The following RGS8 variants were observed in gnomAD, a reference collection of about 807,000 sequenced individuals.
The protein encoded by RGS8 is regulator of G protein signaling 8.
Under a neutral mutation model 21.7 loss-of-function variants are expected in RGS8, and 8 were observed. The ratio of observed to expected loss-of-function variants is 0.37; its 90% CI spans 0.22 to 0.66. RGS8 has a LOEUF of 0.66. RGS8 is among the 30% of genes least tolerant of loss of function. The probability of loss-of-function intolerance (pLI) is 0.59; values close to 1 mark genes in which losing one functional copy is unlikely to be tolerated. For missense variants in RGS8, 157 were observed against 217.9 expected (o/e 0.72, Z 1.76); for synonymous variants, 80 against 83.6 (o/e 0.96, Z 0.24).
At chr1:182,666,447 G>A (rs1663864150) in intron 4 of RGS8, among the ~76,000 whole-genome samples, 1 of 152,088 alleles carries the variant, frequency 6.6e-6, no homozygotes, top group Non-Finnish European at 1.5e-5. Flanking sequence ...GTTGTGTGAG[G>A]GTCACACAAG....
the RGS8 span, among the ~76,000 whole-genome samples, chr1:182,739,077 G>A: frequency 3.9e-5 from 6 of 152,276 alleles, no homozygotes; most frequent in African/African-American, 1.4e-4. Context: ...CCTCTCCCAG[G>A]TATCTTCTAG....
chr1:182,721,995 G>C, the RGS8 span, among the ~76,000 whole-genome samples: 12 of 152,156 alleles, frequency 7.9e-5, no homozygotes, highest in Admixed American at 3.9e-4. Context: ...TTCTATGATG[G>C]AGATCGGCAA....
the RGS8 span, chr1:182,712,974 C>T: frequency 3.9e-5 from 6 of 152,048 alleles, no homozygotes; most frequent in African/African-American, 7.2e-5. Context: ...GGCATCAGAC[C>T]GGTCAAATTA....
intron 5 of RGS8, among the ~76,000 whole-genome samples, chr1:182,652,534 A>G (rs772528182): frequency 6.6e-6 from 1 of 152,234 alleles, no homozygotes; most frequent in Non-Finnish European, 1.5e-5. Flanking sequence ...GTAGCATTGA[A>G]AACTTCATAT....
At chr1:182,742,959 C>T in the RGS8 span, among the ~76,000 whole-genome samples, 1 of 152,120 alleles carries the variant, frequency 6.6e-6, no homozygotes, top group African/African-American at 2.4e-5. Flanking sequence ...AAAACTTATT[C>T]CTCAATTAAA....
intron 2 of RGS8, 119 bp downstream of exon 3, chr1:182,671,538 C>T: frequency 1.2e-6 from 1 of 816,656 alleles, no homozygotes; most frequent in South Asian, 1.6e-5. Context: ...GAAACTAGAG[C>T]CTCCGAGGGA....
chr1:182,721,361 T>C, the RGS8 span, among the ~76,000 whole-genome samples: 1 of 152,120 alleles, frequency 6.6e-6, no homozygotes, highest in Non-Finnish European at 1.5e-5. Flanking sequence ...CTAAACTTGG[T>C]CAGTCACAAA....
the RGS8 span, among the ~76,000 whole-genome samples, chr1:182,730,650 C>T: frequency 6.6e-6 from 1 of 150,486 alleles, no homozygotes; most frequent in Non-Finnish European, 1.5e-5. Context: ...ACGGGGGTTG[C>T]AGTGAGCCAA....
chr1:182,703,046 T>C, the RGS8 span, among the ~76,000 whole-genome samples: 4 of 152,324 alleles, frequency 2.6e-5, no homozygotes, highest in African/African-American at 9.6e-5. Flanking sequence ...CCCAGGAAGT[T>C]ATCCTTTTTG....
chr1:182,740,983 T>C, the RGS8 span, among the ~76,000 whole-genome samples: 7 of 152,086 alleles, frequency 4.6e-5, no homozygotes, highest in African/African-American at 1.4e-4. Context: ...AACCATCCGA[T>C]TTCTCAATCT....
At chr1:182,674,861 C>T (rs1022590983), upstream of RGS8, among the ~76,000 whole-genome samples, 1 of 152,172 alleles carries the variant, frequency 6.6e-6, no homozygotes, top group African/African-American at 2.4e-5. Flanking sequence ...ACGTTTCTTA[C>T]AGGAACACAG....
chr1:182,711,626 C>T, the RGS8 span, among the ~76,000 whole-genome samples: 1 of 152,300 alleles, frequency 6.6e-6, no homozygotes, highest in East Asian at 1.9e-4. Flanking sequence ...CAGCATTACC[C>T]CTGACTTGAA....
chr1:182,749,007 A>C, the RGS8 span, among the ~76,000 whole-genome samples: 1 of 152,142 alleles, frequency 6.6e-6, no homozygotes, highest in Non-Finnish European at 1.5e-5. Flanking sequence ...TAACTCTGAA[A>C]TGTATAGTTT....
chr1:182,657,485 G>A (rs567874555), intron 5 of RGS8, among the ~76,000 whole-genome samples: 23 of 152,134 alleles, frequency 1.5e-4, no homozygotes, highest in African/African-American at 4.3e-4. Context: ...TTCCTCTGCC[G>A]GGGCCCCATG....
At chr1:182,655,820 C>T (rs78953674) in intron 5 of RGS8, among the ~76,000 whole-genome samples, 1 of 15,882 alleles carries the variant, frequency 6.3e-5, no homozygotes, top group Non-Finnish European at 2.3e-4. Context: ...CCATCCTTCT[C>T]CTCATCAATG....
chr1:182,650,783 G>T (rs186793016), intron 5 of RGS8, among the ~76,000 whole-genome samples: 1 of 152,260 alleles, frequency 6.6e-6, no homozygotes, highest in Admixed American at 6.5e-5. Flanking sequence ...AACCCTAGAG[G>T]TTGAGACTTA....
upstream of RGS8, among the ~76,000 whole-genome samples, chr1:182,687,793 ATGT>A (rs1443778897): frequency 3.3e-5 from 5 of 152,234 alleles, no homozygotes; most frequent in East Asian, 9.6e-4. Flanking sequence ...GAAAAGGGAG[ATGT>A]TGTTGCCTGC....
chr1:182,719,814 A>G, the RGS8 span, among the ~76,000 whole-genome samples: 1 of 152,128 alleles, frequency 6.6e-6, no homozygotes, highest in Non-Finnish European at 1.5e-5. Flanking sequence ...TGTTTATACC[A>G]TTTATAGTCA....
upstream of RGS8, among the ~76,000 whole-genome samples, chr1:182,687,231 G>A (rs948593606): frequency 2.0e-5 from 3 of 152,084 alleles, no homozygotes; most frequent in Non-Finnish European, 4.4e-5. Flanking sequence ...CCCAAAGATG[G>A]GGTCTCACTA....
Sources: allele counts gnomAD v4.1 joint callset (sites outside exome capture counted in the v4.1 genomes callset), GRCh38; gene constraint gnomAD v4.1.1; transcripts MANE v1.5; gene names NCBI Gene and HGNC (gene_info 2026-07-23, HGNC 2026-07-21).